The following RUNDC3B variants were observed in gnomAD, a reference collection of about 807,000 sequenced individuals.
The protein encoded by RUNDC3B is RUN domain-containing protein 3B.
RUNDC3B carries 33 observed loss-of-function variants against 58.4 expected under a neutral mutation model. The ratio of observed to expected loss-of-function variants is 0.56; its 90% CI spans 0.43 to 0.75. RUNDC3B has a LOEUF of 0.75. Ranked by LOEUF, RUNDC3B falls within the 30% of genes least tolerant of loss-of-function variation. The pLI is 0.00. For synonymous variants in RUNDC3B, 193 were observed against 195.2 expected (o/e 0.99, Z 0.10); for missense variants, 501 against 535.7 (o/e 0.94, Z 0.64).
chr7:87,820,049 G>A (rs1412625287), intron 10 of RUNDC3B, among the ~76,000 whole-genome samples: 1 of 152,162 alleles, frequency 6.6e-6, no homozygotes, highest in Non-Finnish European at 1.5e-5. Context: ...GAGCGGAACT[G>A]AAGGAAATAG....
At chr7:87,718,334 G>A (rs1228916735) in intron 4 of RUNDC3B, among the ~76,000 whole-genome samples, 3 of 152,110 alleles carry the variant, frequency 2.0e-5, no homozygotes, top group Non-Finnish European at 4.4e-5. Context: ...TCTATTAGGG[G>A]ATAGTCAGGA....
chr7:87,815,455 C>T (rs1435300532), intron 9 of RUNDC3B, among the ~76,000 whole-genome samples: 1 of 151,886 alleles, frequency 6.6e-6, no homozygotes, highest in Non-Finnish European at 1.5e-5. Context: ...CCTGAAGAAC[C>T]AAATATGAGG....
chr7:87,655,116 G>T (rs905535772), intron 2 of RUNDC3B, among the ~76,000 whole-genome samples: 5 of 152,004 alleles, frequency 3.3e-5, no homozygotes, highest in African/African-American at 4.8e-5. Flanking sequence ...AAAACATTAT[G>T]GAGGTTCCTC....
chr7:87,694,977 A>C (rs1417786534), intron 2 of RUNDC3B, among the ~76,000 whole-genome samples: 1 of 152,160 alleles, frequency 6.6e-6, no homozygotes, highest in Non-Finnish European at 1.5e-5. Context: ...ACTAGACATT[A>C]CATTGTCAAT....
chr7:87,678,742 C>T (rs935852105), intron 2 of RUNDC3B, among the ~76,000 whole-genome samples: 2 of 151,724 alleles, frequency 1.3e-5, no homozygotes, highest in African/African-American at 4.9e-5. Flanking sequence ...AAAAGTTATT[C>T]CATGCAGAAA....
At chr7:87,671,216 C>A (rs1825794279) in intron 2 of RUNDC3B, among the ~76,000 whole-genome samples, 1 of 152,154 alleles carries the variant, frequency 6.6e-6, no homozygotes, top group Non-Finnish European at 1.5e-5. Context: ...GCCTCCTCTC[C>A]TTGGGCTGAT....
intron 1 of RUNDC3B, among the ~76,000 whole-genome samples, chr7:87,646,052 G>A (rs1322446510): frequency 1.3e-5 from 2 of 152,172 alleles, no homozygotes; most frequent in African/African-American, 4.8e-5. Context: ...CTAAGGATAT[G>A]CTTTGGGATA....
chr7:87,757,116 A>G (rs1405134212), intron 6 of RUNDC3B, among the ~76,000 whole-genome samples: 5 of 152,176 alleles, frequency 3.3e-5, no homozygotes, highest in Admixed American at 6.5e-5. Flanking sequence ...GCACCGTGAA[A>G]GGCCTGCTTT....
At chr7:87,631,937 T>C (rs1821265407) in intron 1 of RUNDC3B, among the ~76,000 whole-genome samples, 1 of 152,236 alleles carries the variant, frequency 6.6e-6, no homozygotes, top group African/African-American at 2.4e-5. Context: ...AAAATGTTTA[T>C]ATTTAGTTTT....
At chr7:87,686,508 G>A (rs1827474624) in intron 2 of RUNDC3B, among the ~76,000 whole-genome samples, 1 of 152,130 alleles carries the variant, frequency 6.6e-6, no homozygotes, top group Admixed American at 6.5e-5. Context: ...GGACTGACTG[G>A]TAGGCCACAT....
At chr7:87,730,870 C>T (rs1052889186) in intron 4 of RUNDC3B, among the ~76,000 whole-genome samples, 7 of 152,026 alleles carry the variant, frequency 4.6e-5, no homozygotes, top group African/African-American at 1.7e-4. Flanking sequence ...CACAGAGAGA[C>T]AGACACTTTG....
chr7:87,692,353 A>G (rs1490886650), intron 2 of RUNDC3B, among the ~76,000 whole-genome samples: 3 of 152,156 alleles, frequency 2.0e-5, no homozygotes, highest in Non-Finnish European at 4.4e-5. Context: ...GCTACTCACA[A>G]GGCGAAGGCA....
At chr7:87,819,891 T>G (rs1837315627) in intron 10 of RUNDC3B, among the ~76,000 whole-genome samples, 1 of 151,308 alleles carries the variant, frequency 6.6e-6, no homozygotes, top group South Asian at 2.1e-4. Context: ...CAAAGCAGTG[T>G]GTAGAGGGAA....
At chr7:87,736,296 A>T (rs187870399) in intron 4 of RUNDC3B, among the ~76,000 whole-genome samples, 7 of 152,196 alleles carry the variant, frequency 4.6e-5, no homozygotes, top group Admixed American at 3.9e-4. Flanking sequence ...GAAACATCAC[A>T]TTAGATAGTA....
intron 6 of RUNDC3B, among the ~76,000 whole-genome samples, chr7:87,746,329 G>C (rs907895991): frequency 1.3e-5 from 2 of 152,180 alleles, no homozygotes; most frequent in African/African-American, 4.8e-5. Context: ...TTGCTCCAAG[G>C]TATAGTTTAA....
intron 4 of RUNDC3B, among the ~76,000 whole-genome samples, chr7:87,710,955 G>A (rs185671704): frequency 6.6e-6 from 1 of 152,160 alleles, no homozygotes; most frequent in East Asian, 1.9e-4. Context: ...TTCCCTGATG[G>A]ATTTGAATTT....
At chr7:87,706,966 G>A (rs1208883688) in intron 3 of RUNDC3B, among the ~76,000 whole-genome samples, 1 of 152,146 alleles carries the variant, frequency 6.6e-6, no homozygotes, top group Non-Finnish European at 1.5e-5. Context: ...AGGTGAAGGG[G>A]AACTGTAAAC....
At chr7:87,663,538 A>G (rs984397703) in intron 2 of RUNDC3B, among the ~76,000 whole-genome samples, 12 of 151,928 alleles carry the variant, frequency 7.9e-5, no homozygotes, top group African/African-American at 2.2e-4. Context: ...TTATTTTTCT[A>G]CTCCATCTTT....
At chr7:87,807,604 C>A in intron 9 of RUNDC3B, 85 bp downstream of exon 9, 1 of 934,144 alleles carries the variant, frequency 1.1e-6, no homozygotes, top group South Asian at 1.4e-5. Flanking sequence ...CTCAGTTATT[C>A]TTTCTGAACT....
Sources: allele counts gnomAD v4.1 joint callset (sites outside exome capture counted in the v4.1 genomes callset), GRCh38; gene constraint gnomAD v4.1.1; transcripts MANE v1.5; gene names NCBI Gene and HGNC (gene_info 2026-07-23, HGNC 2026-07-21).